SAMD12: variants seen among roughly 807,000 people sequenced by gnomAD.
SAMD12 encodes sterile alpha motif domain-containing protein 12.
SAMD12 carries 9 observed loss-of-function variants against 15.0 expected under a neutral mutation model. That is an observed-to-expected ratio of 0.60 (90% CI 0.36 to 1.05). The LOEUF is 1.05. Ranked by LOEUF, SAMD12 falls within the 50% of genes least tolerant of loss-of-function variation. The probability of loss-of-function intolerance (pLI) is 0.01; values close to 1 mark genes in which losing one functional copy is unlikely to be tolerated. For synonymous variants in SAMD12, 86 were observed against 90.1 expected, an observed-to-expected ratio of 0.96 and a Z score of 0.25; for missense variants, 230 against 234.2, an observed-to-expected ratio of 0.98 and a Z score of 0.12.
intron 4 of SAMD12, among the ~76,000 whole-genome samples, chr8:118,365,574 T>C (rs1818721172): frequency 6.6e-6 from 1 of 152,086 alleles, no homozygotes; most frequent in South Asian, 2.1e-4. Context: ...AGCAGCTCCC[T>C]CTATTCCCAG....
At chr8:118,384,319 G>T (rs527711096) in intron 3 of SAMD12, among the ~76,000 whole-genome samples, 5 of 152,214 alleles carry the variant, frequency 3.3e-5, no homozygotes, top group African/African-American at 1.2e-4. Flanking sequence ...GATAACTTGG[G>T]CATGATATCA....
intron 2 of SAMD12, among the ~76,000 whole-genome samples, chr8:118,540,144 G>C (rs6984080): frequency 6.6e-6 from 1 of 151,926 alleles, no homozygotes; most frequent in African/African-American, 2.4e-5. Flanking sequence ...CACACTTTCA[G>C]CTGTTCCAGA....
chr8:118,154,144 GCA>G, the SAMD12 span, among the ~76,000 whole-genome samples: 165 of 149,812 alleles, frequency 1.1e-3, no homozygotes, highest in African/African-American at 3.6e-3. Context: ...ACACACAAGT[GCA>G]CACACACACA....
At chr8:118,313,869 A>G (rs1350098598) in intron 4 of SAMD12, among the ~76,000 whole-genome samples, 2 of 151,746 alleles carry the variant, frequency 1.3e-5, no homozygotes, top group African/African-American at 2.4e-5. Flanking sequence ...AAATTTGGCT[A>G]TTTTTTGACA....
intron 2 of SAMD12, among the ~76,000 whole-genome samples, chr8:118,490,781 C>T (rs1310427579): frequency 6.6e-6 from 1 of 152,088 alleles, no homozygotes; most frequent in Non-Finnish European, 1.5e-5. Flanking sequence ...CTAGAGAAGG[C>T]CTCCAGAAAT....
chr8:118,182,473 T>G, the SAMD12 span, among the ~76,000 whole-genome samples: 2 of 152,368 alleles, frequency 1.3e-5, no homozygotes, highest in Middle Eastern at 3.4e-3. Context: ...AGGCTATGCC[T>G]ACATCCTTGT....
At chr8:118,356,925 C>T (rs879728837) in intron 4 of SAMD12, among the ~76,000 whole-genome samples, 1 of 152,172 alleles carries the variant, frequency 6.6e-6, no homozygotes, top group Non-Finnish European at 1.5e-5. Context: ...TATCTGCAAA[C>T]AGATCCACCC....
chr8:118,140,891 C>T, the SAMD12 span, among the ~76,000 whole-genome samples: 2 of 152,180 alleles, frequency 1.3e-5, no homozygotes, highest in African/African-American at 2.4e-5. Flanking sequence ...CCCTGGCCCT[C>T]TGAGTCATTA....
chr8:118,373,415 C>A (rs1819209241), downstream of SAMD12, among the ~76,000 whole-genome samples: 1 of 152,118 alleles, frequency 6.6e-6, no homozygotes, highest in African/African-American at 2.4e-5. Flanking sequence ...AGATGGCCTA[C>A]TTGAGTTGCT....
At chr8:118,463,009 G>A (rs1470605977) in intron 2 of SAMD12, among the ~76,000 whole-genome samples, 2 of 149,494 alleles carry the variant, frequency 1.3e-5, no homozygotes, top group East Asian at 4.0e-4. Flanking sequence ...GCTGAGGCAG[G>A]AGAATGGCGT....
intron 4 of SAMD12, chr8:118,284,418 A>G (rs1418018312): frequency 2.2e-6 from 1 of 454,284 alleles, no homozygotes; most frequent in African/African-American, 2.0e-5. Flanking sequence ...GCACAGATTG[A>G]CAAGTGAGTG....
At chr8:118,304,648 T>C (rs1297457566) in intron 4 of SAMD12, among the ~76,000 whole-genome samples, 1 of 151,748 alleles carries the variant, frequency 6.6e-6, no homozygotes, top group Non-Finnish European at 1.5e-5. Flanking sequence ...TAGTCCCAGA[T>C]ACTCGGGAGG....
At chr8:118,614,932 C>T (rs1828204761) in intron 1 of SAMD12, among the ~76,000 whole-genome samples, 1 of 152,218 alleles carries the variant, frequency 6.6e-6, no homozygotes, top group Non-Finnish European at 1.5e-5. Context: ...GAGGAATCAA[C>T]TTGATTTACA....
Position 118,521,087 on chromosome 8 carries a change from CCTGT to C in SAMD12, c.192+59624_192+59627del, listed in dbSNP as rs1342450692. 4.6e-5 allele frequency among the ~76,000 whole-genome samples: 7 copies of C among 152,258 alleles called. No individual in the cohort carries two copies. In the South Asian group the frequency reaches 6.2e-4, roughly 14 times the overall value. On this transcript the variant is annotated intron_variant, in intron 2 of 3. Transcript: ENST00000314727. ...CATCTAGTCCATGTCAGTGAGAATG[CCTGT>C]CTGTTTCTTCTTTAGTCTAAACTAG...
At chr8:118,171,303 C>A in the SAMD12 span, among the ~76,000 whole-genome samples, 1 of 152,112 alleles carries the variant, frequency 6.6e-6, no homozygotes, top group East Asian at 1.9e-4. Flanking sequence ...TATCATGTGA[C>A]CCAGTGATTA....
At chr8:118,229,725 C>G (rs898178158) in intron 4 of SAMD12, among the ~76,000 whole-genome samples, 3 of 152,168 alleles carry the variant, frequency 2.0e-5, no homozygotes, top group African/African-American at 7.2e-5. Flanking sequence ...GAAACAAACT[C>G]CCATACTCTC....
At chr8:118,410,389 C>G (rs977521504) in intron 3 of SAMD12, among the ~76,000 whole-genome samples, 8 of 152,202 alleles carry the variant, frequency 5.3e-5, no homozygotes, top group Admixed American at 3.9e-4. Flanking sequence ...ATGGTCCATA[C>G]AGTGGTTTTA....
At chr8:118,229,518 C>G (rs1812261570) in intron 4 of SAMD12, among the ~76,000 whole-genome samples, 1 of 152,166 alleles carries the variant, frequency 6.6e-6, no homozygotes, top group South Asian at 2.1e-4. Context: ...TTCTCTCCTT[C>G]TCCTTTCTAA....
intron 2 of SAMD12, among the ~76,000 whole-genome samples, chr8:118,575,458 T>C (rs1827123520): frequency 6.6e-6 from 1 of 152,204 alleles, no homozygotes. Context: ...TTCAAATAAA[T>C]AGATCATTTG....
Sources: allele counts gnomAD v4.1 joint callset (sites outside exome capture counted in the v4.1 genomes callset), GRCh38; gene constraint gnomAD v4.1.1; transcripts MANE v1.5; gene names NCBI Gene and HGNC (gene_info 2026-07-23, HGNC 2026-07-21).